SUSD1: variants seen among roughly 807,000 people sequenced by gnomAD.
The protein encoded by SUSD1 is sushi domain containing 1.
A neutral mutation model predicts 86.9 loss-of-function variants in SUSD1; 65 were observed. The ratio of observed to expected loss-of-function variants is 0.75; its 90% CI spans 0.61 to 0.92. SUSD1 has a LOEUF of 0.92. Ranked by LOEUF, SUSD1 falls within the 40% of genes least tolerant of loss-of-function variation. The pLI is 0.00. For missense variants in SUSD1, 850 were observed against 929.7 expected (o/e 0.91, Z 1.11); for synonymous variants, 346 against 350.0 (o/e 0.99, Z 0.13).
Position 112,069,098 on chromosome 9 carries a change from G to A in SUSD1, c.1754-6065C>T, listed in dbSNP as rs151294926. 1.5e-3 allele frequency among the ~76,000 whole-genome samples: 222 copies of A among 152,142 alleles called. 1 individual carries two copies. The highest frequency in any genetic ancestry group is 5.1e-3 in the African/African-American group (212 of 41,502). ...AGGCAGCTCACAGGGAGGAGTGAACGTGGCCACCAGGGAGCCAGTATCAAA... is the reference window on the plus strand; with the variant it reads ...AGGCAGCTCACAGGGAGGAGTGAACATGGCCACCAGGGAGCCAGTATCAAA... On this transcript the variant is annotated intron_variant, in intron 12 of 16. Transcript: ENST00000374270.
chr9:112,062,382 T>C lies in SUSD1; in HGVS notation c.1850+555A>G, dbSNP rs541878823. On this transcript the variant is annotated intron_variant, in intron 13 of 16. Coordinates refer to ENST00000374270, the MANE Select transcript of SUSD1 (RefSeq NM_022486.5). The stretch of plus-strand genomic sequence containing the variant: ...TTGAGCTAAACTGCCCAAATGCTTG[T>C]ATATAGGGTCCTTTAGAAGTCTCTC... Among the ~76,000 whole-genome samples, 3 of 152,306 alleles carry C rather than the reference T, an allele frequency of 2.0e-5. No individual in the cohort carries two copies. The South Asian group carries it at 6.2e-4, about 32-fold the overall frequency.
chr9:112,171,961 T>C (rs1374014646), intron 1 of SUSD1, among the ~76,000 whole-genome samples: 1 of 152,138 alleles, frequency 6.6e-6, no homozygotes, highest in African/African-American at 2.4e-5. Context: ...TTTGGGAGGC[T>C]GAGGCGGGCA....
At chr9:112,060,546 C>T (rs1171996813) in intron 13 of SUSD1, among the ~76,000 whole-genome samples, 2 of 152,228 alleles carry the variant, frequency 1.3e-5, no homozygotes, top group Admixed American at 6.5e-5. Context: ...GTGTGCCCAC[C>T]TCTGCCTCCC....
At chr9:112,074,604 C>A (rs1179406301) in intron 12 of SUSD1, among the ~76,000 whole-genome samples, 1 of 152,202 alleles carries the variant, frequency 6.6e-6, no homozygotes, top group Non-Finnish European at 1.5e-5. Flanking sequence ...AAATTCCACT[C>A]TCTTTCCTTC....
intron 1 of SUSD1, among the ~76,000 whole-genome samples, chr9:112,161,487 T>C (rs575547441): frequency 6.6e-6 from 1 of 151,908 alleles, no homozygotes; most frequent in East Asian, 2.0e-4. Flanking sequence ...AACCCTACAA[T>C]GATGAACATA....
rs369141407 is a variant in SUSD1, at chr9:112,143,489, C to T, written c.508G>A (p.Asp170Asn). 1.5e-5 allele frequency: 25 copies of T among 1,613,200 alleles called. No homozygotes were observed. The highest frequency in any genetic ancestry group is 1.3e-4 in the South Asian group (12 of 90,902). ...NGPEPFHPTT[D>N]ATSCTEIDCG... ...AACCCACCTGTGCATGATGTGGCAT[C>T]GGTGGTCGGGTGGAAAGGTTCAGGT... The change falls in exon 4 of 17, where the codon GAT becomes AAT. Residue 170 changes from aspartate (D) to asparagine (N), a missense_variant. By Grantham distance (23) the Asp-to-Asn change is conservative. Transcript: ENST00000374270.
intron 2 of SUSD1, among the ~76,000 whole-genome samples, chr9:112,150,918 T>C (rs938117836): frequency 2.0e-5 from 3 of 152,192 alleles, no homozygotes; most frequent in African/African-American, 7.2e-5. Flanking sequence ...CCTAGAACGT[T>C]ATGATACATG....
chr9:112,157,121 C>T (rs1008273148), intron 2 of SUSD1, among the ~76,000 whole-genome samples: 63 of 152,164 alleles, frequency 4.1e-4, no homozygotes, highest in African/African-American at 1.3e-3. Flanking sequence ...AGTCCAATGG[C>T]AAATTGTTTT....
chr9:112,137,444 C>T (rs1379109670), intron 5 of SUSD1, among the ~76,000 whole-genome samples: 2 of 152,178 alleles, frequency 1.3e-5, no homozygotes, highest in Non-Finnish European at 2.9e-5. Context: ...GGCTAATTTT[C>T]AAGGCAATCT....
intron 14 of SUSD1, among the ~76,000 whole-genome samples, chr9:112,053,842 G>A (rs1019120085): frequency 3.9e-5 from 6 of 152,200 alleles, no homozygotes; most frequent in Admixed American, 3.3e-4. Flanking sequence ...GAGACGGGTA[G>A]AATAAGAGAC....
At chr9:112,160,203 T>C (rs1276731883) in intron 1 of SUSD1, among the ~76,000 whole-genome samples, 2 of 152,242 alleles carry the variant, frequency 1.3e-5, no homozygotes, top group Admixed American at 1.3e-4. Context: ...GTATAAACCC[T>C]GAGAGAGAAG....
chr9:112,122,043 C>G (rs1020213684), intron 6 of SUSD1, among the ~76,000 whole-genome samples: 4 of 152,218 alleles, frequency 2.6e-5, no homozygotes, highest in Non-Finnish European at 5.9e-5. Context: ...TTTCAACACT[C>G]TCTGAGGTAA....
In SUSD1 at chr9:112,098,645, C is replaced by G; in HGVS notation, c.1299G>C (p.Gln433His). 6.2e-7 allele frequency: 1 copy of G among 1,614,222 alleles called. No individual in the cohort carries two copies. Among genetic ancestry groups the G allele is most frequent in the Admixed American group, 1.7e-5 (1 of 60,024 alleles). ...EHMYQFTVLG[Q>H]RWYLANFSHA... is the part of the protein sequence containing the mutation. Reference sequence around the variant, plus strand: ...GAGAAAAGTTAGCCAGATACCACCTCTGACCCAGAACGGTAAACTGTCATG... The same window carrying G: ...GAGAAAAGTTAGCCAGATACCACCTGTGACCCAGAACGGTAAACTGTCATG... Residue 433 changes from glutamine (Q) to histidine (H), a missense_variant, in exon 10 of 17, where the codon CAG (glutamine) becomes CAC (histidine). Transcript: ENST00000374270.
chr9:112,061,103 T>A (rs1828703644), intron 13 of SUSD1, among the ~76,000 whole-genome samples: 1 of 152,220 alleles, frequency 6.6e-6, no homozygotes, highest in South Asian at 2.1e-4. Flanking sequence ...AGGTGATTCC[T>A]ATAATCTGGC....
chr9:112,169,776 G>C (rs1833964659), intron 1 of SUSD1, among the ~76,000 whole-genome samples: 1 of 151,762 alleles, frequency 6.6e-6, no homozygotes, highest in Non-Finnish European at 1.5e-5. Context: ...CCGGGTTCAG[G>C]CTATTCTCCT....
At chr9:112,141,784 A>G (rs2131751883) in intron 5 of SUSD1, among the ~76,000 whole-genome samples, 1 of 144,108 alleles carries the variant, frequency 6.9e-6, no homozygotes, top group African/African-American at 2.5e-5. Flanking sequence ...CATGTAATAT[A>G]TTACATATAT....
intron 2 of SUSD1, among the ~76,000 whole-genome samples, chr9:112,151,596 CAA>C (rs113921970): frequency 7.4e-6 from 1 of 134,494 alleles, no homozygotes. Flanking sequence ...AATTCCATCT[CAA>C]AAAAAAAAAA....
At chr9:112,107,115 T>G (rs923743465) in intron 8 of SUSD1, among the ~76,000 whole-genome samples, 2 of 151,160 alleles carry the variant, frequency 1.3e-5, no homozygotes, top group Admixed American at 6.6e-5. Context: ...ATGAAAAAAT[T>G]AAGTGATCTG....
intron 15 of SUSD1, among the ~76,000 whole-genome samples, chr9:112,051,169 T>C (rs1323614026): frequency 6.6e-6 from 1 of 152,212 alleles, no homozygotes; most frequent in Non-Finnish European, 1.5e-5. Flanking sequence ...CAGTTTTCCC[T>C]CTCATATTAT....
Sources: allele counts gnomAD v4.1 joint callset (sites outside exome capture counted in the v4.1 genomes callset), GRCh38; gene constraint gnomAD v4.1.1; transcripts MANE v1.5; gene names NCBI Gene and HGNC (gene_info 2026-07-23, HGNC 2026-07-21).